The following FNDC3A variants were observed in gnomAD, a reference collection of about 807,000 sequenced individuals.
FNDC3A encodes fibronectin type III domain containing 3A.
Under a neutral mutation model 148.9 loss-of-function variants are expected in FNDC3A, and 32 were observed. The ratio of observed to expected loss-of-function variants is 0.21; its 90% CI spans 0.16 to 0.29. The LOEUF (loss-of-function observed/expected upper bound fraction) is 0.29, where lower values mean the gene tolerates loss of function less well. FNDC3A is among the 10% of genes least tolerant of loss of function. The pLI is 1.00. For missense variants in FNDC3A, 1,191 were observed against 1,452.8 expected (o/e 0.82, Z 2.93); for synonymous variants, 472 against 473.6 (o/e 1.00, Z 0.04).
chr13:49,064,952 T>C (rs1372345932), intron 2 of FNDC3A, among the ~76,000 whole-genome samples: 1 of 152,244 alleles, frequency 6.6e-6, no homozygotes, highest in Non-Finnish European at 1.5e-5. Flanking sequence ...TGAGTAGGTC[T>C]GTATACTGCT....
At chr13:48,987,256 G>A (rs1951824141) in intron 1 of FNDC3A, among the ~76,000 whole-genome samples, 1 of 152,208 alleles carries the variant, frequency 6.6e-6, no homozygotes, top group Non-Finnish European at 1.5e-5. Flanking sequence ...GCTATATGTG[G>A]AACTTAAGAA....
intron 4 of FNDC3A, among the ~76,000 whole-genome samples, chr13:49,121,770 C>T (rs926125944): frequency 6.6e-5 from 10 of 152,236 alleles, no homozygotes; most frequent in Admixed American, 4.6e-4. Flanking sequence ...AACTCCTGGA[C>T]GCATACACCC....
Position 49,136,608 on chromosome 13 carries a change from G to GTT in FNDC3A, c.760+9_760+10dup, listed in dbSNP as rs771661739. The GTT allele has an allele frequency of 2.5e-5, 40 of 1,610,568 alleles. No homozygotes were observed. The African/African-American group carries it at 4.5e-4, about 18-fold the overall frequency. ...GTTGATACAGAAATTGAAGGTAACT[G>GTT]TTTGAAGTACTGAACTGTTCTCATT... On this transcript the variant is annotated splice_region_variant and intron_variant, in intron 6 of 25. Coordinates refer to ENST00000492622, the MANE Select transcript of FNDC3A (RefSeq NM_001079673.2).
chr13:49,123,196 C>T (rs541281209), intron 4 of FNDC3A, among the ~76,000 whole-genome samples: 2 of 152,166 alleles, frequency 1.3e-5, no homozygotes, highest in East Asian at 3.9e-4. Context: ...TAATACCACA[C>T]ATCTACAACC....
intron 2 of FNDC3A, among the ~76,000 whole-genome samples, chr13:49,018,812 C>T (rs1425988941): frequency 6.6e-6 from 1 of 152,172 alleles, no homozygotes; most frequent in Non-Finnish European, 1.5e-5. Flanking sequence ...GTTAGTTTTC[C>T]TTCTAACAGA....
chr13:49,003,639 ATTC>A (rs1216014273), intron 1 of FNDC3A, among the ~76,000 whole-genome samples: 2 of 152,184 alleles, frequency 1.3e-5, no homozygotes, highest in Non-Finnish European at 2.9e-5. Context: ...TTATGAAGAT[ATTC>A]TTCTGCATTA....
intron 20 of FNDC3A, among the ~76,000 whole-genome samples, 176 bp downstream of exon 20, chr13:49,197,166 A>C (rs773233157): frequency 1.3e-5 from 2 of 152,202 alleles, no homozygotes; most frequent in Non-Finnish European, 2.9e-5. Context: ...AGTAAGGTAT[A>C]TTTGCATTAC....
chr13:48,983,724 T>C (rs557676064), intron 1 of FNDC3A, among the ~76,000 whole-genome samples: 1 of 152,338 alleles, frequency 6.6e-6, no homozygotes, highest in Admixed American at 6.5e-5. Context: ...CAAAAAACTT[T>C]ATATGTATCA....
At chr13:49,201,475 A>C (rs928525145) in intron 23 of FNDC3A, among the ~76,000 whole-genome samples, 5 of 152,138 alleles carry the variant, frequency 3.3e-5, no homozygotes, top group Admixed American at 2.0e-4. Context: ...AGCATCTTTT[A>C]AAATGTACAT....
At chr13:49,169,166 T>C (rs1000254035) in intron 10 of FNDC3A, among the ~76,000 whole-genome samples, 8 of 152,336 alleles carry the variant, frequency 5.3e-5, no homozygotes, top group Middle Eastern at 3.4e-3. Flanking sequence ...GAAAAATATA[T>C]ATTTTAATTC....
intron 3 of FNDC3A, 115 bp from the exon 4 acceptor site, chr13:49,114,537 TGTA>T: frequency 1.6e-6 from 1 of 613,514 alleles, no homozygotes; most frequent in Non-Finnish European, 3.0e-6. Context: ...TTTATAAAAA[TGTA>T]GTTACTGTTG....
At chr13:49,137,124 A>G (rs1028457377) in intron 6 of FNDC3A, among the ~76,000 whole-genome samples, 1 of 152,008 alleles carries the variant, frequency 6.6e-6, no homozygotes, top group African/African-American at 2.4e-5. Context: ...ACTGTCCCCA[A>G]CCTATCAAAA....
Position 49,187,004 on chromosome 13 carries a change from G to A in FNDC3A, c.1757-118G>A, listed in dbSNP as rs1885609714. On this transcript the variant is annotated intron_variant, in intron 15 of 25. Transcript: ENST00000492622. ...TGGAGTAATTGGGTACTGGTATTAA[G>A]TCATTGCAGGTGATTTTTTTTTTTT... The A allele has an allele frequency of 9.7e-6, 6 of 617,016 alleles. No homozygotes were observed. The East Asian group carries it at 1.6e-4, about 17-fold the overall frequency. 38.2% of individuals were successfully genotyped at this position (617,016 alleles called of 1,614,324 possible).
intron 3 of FNDC3A, among the ~76,000 whole-genome samples, chr13:49,114,023 CA>C (rs199916451): frequency 2.6e-5 from 4 of 151,442 alleles, no homozygotes; most frequent in Non-Finnish European, 5.9e-5. Context: ...GTGTGAGAAA[CA>C]AAAAAAAATT....
intron 2 of FNDC3A, among the ~76,000 whole-genome samples, chr13:49,025,588 A>G (rs985168301): frequency 1.5e-4 from 23 of 152,256 alleles, no homozygotes; most frequent in African/African-American, 5.3e-4. Flanking sequence ...TGATACACTA[A>G]TGAGTGCTAA....
At chr13:49,090,882 T>C (rs1879148210) in intron 3 of FNDC3A, among the ~76,000 whole-genome samples, 1 of 152,060 alleles carries the variant, frequency 6.6e-6, no homozygotes, top group African/African-American at 2.4e-5. Context: ...TAGTCCCAGC[T>C]ACTCGGAAGG....
chr13:49,041,253 A>T (rs1463543789), intron 2 of FNDC3A, among the ~76,000 whole-genome samples: 1 of 152,128 alleles, frequency 6.6e-6, no homozygotes, highest in East Asian at 1.9e-4. Context: ...CATATTTTCT[A>T]TTTAGTCTTT....
At chr13:49,174,289 A>T in intron 11 of FNDC3A, 146 bp from the exon 12 acceptor site, 1 of 596,220 alleles carries the variant, frequency 1.7e-6, no homozygotes, top group Non-Finnish European at 3.0e-6. Flanking sequence ...ATATCATATA[A>T]AAGATGTGCT....
chr13:49,010,196 G>T (rs1296846482), intron 2 of FNDC3A, among the ~76,000 whole-genome samples: 1 of 152,146 alleles, frequency 6.6e-6, no homozygotes, highest in Admixed American at 6.5e-5. Flanking sequence ...AAATAGTGTT[G>T]GATTGGCTAG....
Sources: allele counts gnomAD v4.1 joint callset (sites outside exome capture counted in the v4.1 genomes callset), GRCh38; gene constraint gnomAD v4.1.1; transcripts MANE v1.5; gene names NCBI Gene and HGNC (gene_info 2026-07-23, HGNC 2026-07-21).